PLEKHG3: variants seen among roughly 807,000 people sequenced by gnomAD.
The protein encoded by PLEKHG3 is pleckstrin homology domain-containing family G member 3.
In PLEKHG3, 62 loss-of-function variants were observed where a neutral mutation model predicts 94.9. That is an observed-to-expected ratio of 0.65 (90% CI 0.53 to 0.81). The LOEUF is 0.81. Among genes scored for constraint, PLEKHG3 ranks in the 30% least tolerant of loss-of-function variants. PLEKHG3 has a pLI of 0.00. For missense variants in PLEKHG3, 1,461 were observed against 1,619.3 expected, an observed-to-expected ratio of 0.90 and a Z score of 1.68; for synonymous variants, 614 against 654.0, an observed-to-expected ratio of 0.94 and a Z score of 0.93.
rs758709509 is a variant in PLEKHG3, at chr14:64,743,510, C to T, written c.3467C>T (p.Thr1156Ile). ...VMEKGPLPSP[T>I]AGLEESSGQG... ...GAGAAGGGACCCCTTCCCAGCCCCACTGCAGGGCTGGAGGAGAGCAGTGGC... is the reference window on the plus strand; with the variant it reads ...GAGAAGGGACCCCTTCCCAGCCCCATTGCAGGGCTGGAGGAGAGCAGTGGC... Residue 1156 changes from threonine to isoleucine, a missense_variant, in exon 17 of 17, where the codon ACT becomes ATT. By Grantham distance (89) the Thr-to-Ile change is moderately conservative. Around this residue, in one of 3 missense-constraint regions of PLEKHG3, gnomAD observed 1,201 missense variants for 1,295.5 expected, o/e 0.93. Transcript: ENST00000247226. This position sits in a 1 kb window ranked among gnomAD's most constrained non-coding sequence, Gnocchi z 7.2. 6 of 1,613,002 alleles carry T rather than the reference C, an allele frequency of 3.7e-6. No homozygotes were observed. Among genetic ancestry groups the T allele is most frequent in the Non-Finnish European group, 5.1e-6 (6 of 1,179,974 alleles).
Position 64,725,176 on chromosome 14 carries a change from C to T in PLEKHG3, c.-39-2417C>T, listed in dbSNP as rs943438353. Among the ~76,000 whole-genome samples the T allele has an allele frequency of 6.6e-6, 1 of 152,200 alleles. No individual in the cohort carries two copies. The highest frequency in any genetic ancestry group is 1.5e-5 in the Non-Finnish European group (1 of 68,034). Reference sequence around the variant, plus strand: ...CAAAAGGTCCCTTTTAGAGACAAATCTCCCTAATGGTGTGTGTGTTGGGGT... The same window carrying T: ...CAAAAGGTCCCTTTTAGAGACAAATTTCCCTAATGGTGTGTGTGTTGGGGT... On this transcript the variant is annotated intron_variant, in intron 1 of 16. Transcript: ENST00000247226. The surrounding 1 kb of genome is among the most constrained non-coding windows in gnomAD (Gnocchi z 5.0).
rs1198916435 is a variant in PLEKHG3 at position 64,715,296 on chromosome 14, A to G, written c.-40+10592A>G. 5.3e-5 allele frequency among the ~76,000 whole-genome samples: 8 copies of G among 152,196 alleles called. No individual in the cohort carries two copies. In the East Asian group the frequency reaches 1.5e-3, roughly 29 times the overall value. On this transcript the variant is annotated intron_variant, in intron 1 of 16. Transcript: ENST00000247226. The surrounding 1 kb of genome is among the most constrained non-coding windows in gnomAD (Gnocchi z 4.4). ...CCTTCTTGGCTTCGTCTCTCGGGCC[A>G]TGTGGGAGGTTGTGGAGAGAATGGT...
Position 64,718,876 on chromosome 14 carries a change from T to C in PLEKHG3, c.-39-8717T>C, listed in dbSNP as rs997592979. ...AAGGATGGTTTTTGTTAATCACTTG[T>C]GCTTTTGCTCTCTCAAGTTGCCTTA... On this transcript the variant is annotated intron_variant, in intron 1 of 16. Coordinates refer to ENST00000247226, the MANE Select transcript of PLEKHG3 (RefSeq NM_001308147.2). The surrounding 1 kb of genome is among the most constrained non-coding windows in gnomAD (Gnocchi z 5.0). Among the ~76,000 whole-genome samples the C allele has an allele frequency of 6.6e-6, 1 of 152,176 alleles. No individual in the cohort carries two copies. The highest frequency in any genetic ancestry group is 1.5e-5 in the Non-Finnish European group (1 of 68,028).
chr14:64,707,378 G>A (rs1020345039), intron 1 of PLEKHG3, among the ~76,000 whole-genome samples: 1 of 152,196 alleles, frequency 6.6e-6, no homozygotes, highest in African/African-American at 2.4e-5. Context: ...CAGTACTCAT[G>A]CCCCTTAGTT....
rs1367853833 is a variant in PLEKHG3, at chr14:64,715,947, C to A, written c.-40+11243C>A. On this transcript the variant is annotated intron_variant, in intron 1 of 16. Transcript: ENST00000247226. This position sits in a 1 kb window ranked among gnomAD's most constrained non-coding sequence, Gnocchi z 4.4. Reference sequence around the variant, plus strand: ...ACGAAGTTTTGCAGGAGGCGGCGGGCGCTTTAATTCCCGAGGCTGTTGGTG... The same window carrying A: ...ACGAAGTTTTGCAGGAGGCGGCGGGAGCTTTAATTCCCGAGGCTGTTGGTG... 9.1e-6 allele frequency: 4 copies of A among 437,290 alleles called. No homozygotes were observed. Among genetic ancestry groups the A allele is most frequent in the Non-Finnish European group, 1.4e-5 (3 of 219,020 alleles). 27.1% of individuals were successfully genotyped at this position (437,290 alleles called of 1,614,324 possible).
Position 64,730,159 on chromosome 14 carries a change from G to C in PLEKHG3, c.450-84G>C. 1 of 754,036 alleles carries C rather than the reference G, an allele frequency of 1.3e-6. No individual in the cohort carries two copies. Among genetic ancestry groups the C allele is most frequent in the Middle Eastern group, 2.7e-4 (1 of 3,668 alleles). 46.7% of individuals were successfully genotyped at this position (754,036 alleles called of 1,614,324 possible). A position where few individuals can be genotyped will look rare whatever the true frequency, so the allele number is the denominator to read the frequency against. Reference sequence around the variant, plus strand: ...AAGCAATAGGGCTGGCTGTCAGTCAGGGTTTGGGAGGTTGGGGAGGGGGCA... The same window carrying C: ...AAGCAATAGGGCTGGCTGTCAGTCACGGTTTGGGAGGTTGGGGAGGGGGCA... On this transcript the variant is annotated intron_variant, in intron 3 of 16. Coordinates refer to ENST00000247226, the MANE Select transcript of PLEKHG3 (RefSeq NM_001308147.2). This position sits in a 1 kb window ranked among gnomAD's most constrained non-coding sequence, Gnocchi z 5.4.
intron 12 of PLEKHG3, among the ~76,000 whole-genome samples, chr14:64,733,679 A>G (rs1289718697): frequency 6.6e-6 from 1 of 152,216 alleles, no homozygotes; most frequent in African/African-American, 2.4e-5. Context: ...AAACCCAGAC[A>G]GGAAATATTT....
rs1386598480 is a variant in PLEKHG3 at position 64,745,408 on chromosome 14, G to T, written c.*1705G>T. On this transcript the variant is annotated 3_prime_UTR_variant, in exon 17 of 17. Transcript: ENST00000247226. The surrounding 1 kb of genome is among the most constrained non-coding windows in gnomAD (Gnocchi z 5.0). Reference sequence around the variant, plus strand: ...TGTGGGCCTTCTGACCCAACCTGAAGATGGGTCTGCTAAGTCTAACAAGGT... The same window carrying T: ...TGTGGGCCTTCTGACCCAACCTGAATATGGGTCTGCTAAGTCTAACAAGGT... 6.6e-6 allele frequency: 1 copy of T among 152,372 alleles called. No individual in the cohort carries two copies. Among genetic ancestry groups the T allele is most frequent in the East Asian group, 1.9e-4 (1 of 5,172 alleles). The allele number at this position is 152,372 out of a possible 1,614,324, so 9.4% of individuals were successfully genotyped here.
At chr14:64,740,097 A>C (rs968099897) in intron 15 of PLEKHG3, among the ~76,000 whole-genome samples, 3 of 152,130 alleles carry the variant, frequency 2.0e-5, no homozygotes, top group African/African-American at 7.2e-5. Flanking sequence ...TTTTATACAG[A>C]GTCTTTGCAA....
intron 3 of PLEKHG3, among the ~76,000 whole-genome samples, chr14:64,729,370 G>GGCCC (rs1187454723): frequency 6.6e-6 from 1 of 152,172 alleles, no homozygotes; most frequent in Non-Finnish European, 1.5e-5. Context: ...TTGCACACTG[G>GGCCC]TTCTCTTCCC....
rs146233369 is a variant in PLEKHG3, at chr14:64,738,782, G to C, written c.1445G>C (p.Arg482Thr). The change falls in exon 15 of 17, where the codon AGA (arginine) becomes ACA (threonine). Residue 482 changes from arginine to threonine, a missense_variant. Physicochemically the swap from Arg to Thr is moderately conservative, Grantham distance 71. Coordinates refer to ENST00000247226, the MANE Select transcript of PLEKHG3 (RefSeq NM_001308147.2). This position sits in a 1 kb window ranked among gnomAD's most constrained non-coding sequence, Gnocchi z 4.8. ...RRESESSRSS[R>T]RPSGRSPTST... ...GAGTCTGAAAGCTCCAGGAGCAGCAGAAGGCCCAGTGGCCGGTCTCCAACC... is the reference window on the plus strand; with the variant it reads ...GAGTCTGAAAGCTCCAGGAGCAGCACAAGGCCCAGTGGCCGGTCTCCAACC... 878 of 1,599,732 alleles carry C rather than the reference G, an allele frequency of 5.5e-4. 10 individuals carry two copies. In the South Asian group the frequency reaches 6.1e-3, roughly 11 times the overall value.
rs376313928 is a variant in PLEKHG3, at chr14:64,730,784, T to C, written c.567-15T>C. 5.1e-5 allele frequency: 82 copies of C among 1,612,456 alleles called. No individual in the cohort carries two copies. Among genetic ancestry groups the C allele is most frequent in the Non-Finnish European group, 6.8e-5 (80 of 1,178,896 alleles). ...GCCTTCCCCAGGTGGTGACTGGCCC[T>C]TCTCCCACTCCCAGCTCCGTGGCCG... On this transcript the variant is annotated splice_polypyrimidine_tract_variant and intron_variant, in intron 5 of 16. Transcript: ENST00000247226. This position sits in a 1 kb window ranked among gnomAD's most constrained non-coding sequence, Gnocchi z 5.4.
rs775178166 is a variant in PLEKHG3 at position 64,731,455 on chromosome 14, G to T, written c.944G>T (p.Arg315Leu). The T allele has an allele frequency of 8.1e-6, 13 of 1,613,764 alleles. No homozygotes were observed. Among genetic ancestry groups the T allele is most frequent in the Admixed American group, 3.3e-5 (2 of 60,006 alleles). The stretch of plus-strand genomic sequence containing the variant: ...GGCACATTCCGCGTGCATCGCGTGC[G>T]CAATGAAAGGACCTTTTTCCTCTTT... ...LEGTFRVHRV[R>L]NERTFFLFDK... The change falls in exon 8 of 17, where the codon CGC becomes CTC. Residue 315 changes from arginine to leucine, a missense_variant. By Grantham distance (102) the Arg-to-Leu change is moderately radical. Coordinates refer to ENST00000247226, the MANE Select transcript of PLEKHG3 (RefSeq NM_001308147.2). This position sits in a 1 kb window ranked among gnomAD's most constrained non-coding sequence, Gnocchi z 6.1.
chr14:64,714,510 A>G (rs997703726), intron 1 of PLEKHG3, among the ~76,000 whole-genome samples: 8 of 152,080 alleles, frequency 5.3e-5, no homozygotes, highest in Admixed American at 2.0e-4. Flanking sequence ...TTATTTGTCT[A>G]CCTTTTTGTG....
At chr14:64,706,394 A>G (rs909255615) in intron 1 of PLEKHG3, among the ~76,000 whole-genome samples, 1 of 152,228 alleles carries the variant, frequency 6.6e-6, no homozygotes, top group Non-Finnish European at 1.5e-5. Flanking sequence ...GTTTTCTCCA[A>G]CATGATCTGG....
chr14:64,727,504 C>A lies in PLEKHG3; in HGVS notation c.-39-89C>A. 4.4e-6 allele frequency: 2 copies of A among 452,500 alleles called. No individual in the cohort carries two copies. The highest frequency in any genetic ancestry group is 3.4e-5 in the Admixed American group (1 of 29,422). 28.0% of individuals were successfully genotyped at this position (452,500 alleles called of 1,614,324 possible). A position where few individuals can be genotyped will look rare whatever the true frequency, so the allele number is the denominator to read the frequency against. ...ATGCACTAAATAATACCTTCCCACCCCACCTGCCCCCACCCCTGGCAACCG... is the reference window on the plus strand; with the variant it reads ...ATGCACTAAATAATACCTTCCCACCACACCTGCCCCCACCCCTGGCAACCG... On this transcript the variant is annotated intron_variant, in intron 1 of 16. Coordinates refer to ENST00000247226, the MANE Select transcript of PLEKHG3 (RefSeq NM_001308147.2). The surrounding 1 kb of genome is among the most constrained non-coding windows in gnomAD (Gnocchi z 6.0).
Position 64,741,197 on chromosome 14 carries a change from G to C in PLEKHG3, c.1680G>C (p.Met560Ile). ...TGGGGATGGACCCCCCAGGTGACAT[G>C]GTGGACTTCGTGGCAGCTGAGAGCA... ...GLLGMDPPGD[M>I]VDFVAAESTE... is the part of the protein sequence containing the mutation. Residue 560 changes from methionine to isoleucine, a missense_variant, in exon 16 of 17, where the codon ATG becomes ATC. Coordinates refer to ENST00000247226, the MANE Select transcript of PLEKHG3 (RefSeq NM_001308147.2). The C allele has an allele frequency of 1.2e-6, 2 of 1,614,076 alleles. No individual in the cohort carries two copies. The highest frequency in any genetic ancestry group is 1.7e-6 in the Non-Finnish European group (2 of 1,179,994).
intron 1 of PLEKHG3, among the ~76,000 whole-genome samples, chr14:64,709,723 G>A (rs1240327759): frequency 7.2e-6 from 1 of 139,528 alleles, no homozygotes; most frequent in Non-Finnish European, 1.5e-5. Context: ...TTCCTAGGCT[G>A]TGAGACTGTG....
At chr14:64,736,409 G>A (rs1357455267) in intron 12 of PLEKHG3, among the ~76,000 whole-genome samples, 1 of 152,244 alleles carries the variant, frequency 6.6e-6, no homozygotes, top group Non-Finnish European at 1.5e-5. Flanking sequence ...GATGCTGTGA[G>A]GGGCTTGGCA....
Sources: gnomAD v4.1 joint callset for allele counts (sites outside exome capture counted in the v4.1 genomes callset) on GRCh38, gnomAD v4.1.1 for gene constraint, gnomAD v4.1.1 regional missense constraint, Gnocchi (gnomAD v3.1) non-coding constraint, MANE v1.5 for transcripts, NCBI Gene and HGNC (gene_info 2026-07-23, HGNC 2026-07-21) for gene names.